The following NYAP2 variants were observed in gnomAD, a reference collection of about 807,000 sequenced individuals.
NYAP2 encodes neuronal tyrosine-phosphorylated phosphoinositide-3-kinase adaptor 2, also known as neuronal tyrosine-phosphorylated phosphoinositide-3-kinase adapter 2.
Under a neutral mutation model 50.4 loss-of-function variants are expected in NYAP2, and 23 were observed. That is an observed-to-expected ratio of 0.46 (90% CI 0.33 to 0.65). NYAP2 has a LOEUF of 0.65. NYAP2 is among the 30% of genes least tolerant of loss of function. The probability of loss-of-function intolerance (pLI) is 0.02; values close to 1 mark genes in which losing one functional copy is unlikely to be tolerated. For missense variants in NYAP2, 885 were observed against 861.0 expected (o/e 1.03, Z -0.35); for synonymous variants, 394 against 365.2 (o/e 1.08, Z -0.90).
At chr2:225,417,177 T>G (rs540870668) in intron 3 of NYAP2, among the ~76,000 whole-genome samples, 1 of 152,268 alleles carries the variant, frequency 6.6e-6, no homozygotes, top group South Asian at 2.1e-4. Flanking sequence ...GGGGACTTTT[T>G]GAACTACTAA....
chr2:225,672,386 T>A, the NYAP2 span, among the ~76,000 whole-genome samples: 149 of 152,308 alleles, frequency 9.8e-4, no homozygotes, highest in Non-Finnish European at 1.5e-3. Flanking sequence ...AGTCACCTAC[T>A]TCAGCCTTCG....
chr2:225,667,842 G>T, the NYAP2 span, among the ~76,000 whole-genome samples: 1 of 152,032 alleles, frequency 6.6e-6, no homozygotes, highest in East Asian at 1.9e-4. Flanking sequence ...TGGAAGACTA[G>T]TATAATGTGT....
chr2:225,517,191 A>C (rs1690951636), intron 4 of NYAP2, among the ~76,000 whole-genome samples: 1 of 152,228 alleles, frequency 6.6e-6, no homozygotes, highest in African/African-American at 2.4e-5. Flanking sequence ...ACCTTTAAAA[A>C]TTTATATAGT....
intron 3 of NYAP2, among the ~76,000 whole-genome samples, chr2:225,479,532 G>A (rs916891613): frequency 1.3e-5 from 2 of 152,110 alleles, no homozygotes; most frequent in African/African-American, 4.8e-5. Flanking sequence ...AGTATGACAT[G>A]CCAAAAGTTC....
chr2:225,485,459 A>G (rs1690274238), intron 3 of NYAP2, among the ~76,000 whole-genome samples: 3 of 152,164 alleles, frequency 2.0e-5, no homozygotes, highest in Admixed American at 2.0e-4. Context: ...ACCCAGCAGC[A>G]TTTTTAGAAA....
chr2:225,672,020 A>G, the NYAP2 span, among the ~76,000 whole-genome samples: 1 of 152,104 alleles, frequency 6.6e-6, no homozygotes, highest in African/African-American at 2.4e-5. Flanking sequence ...GCACAGGCAG[A>G]GTAGGTTTAG....
rs17482000 is a variant in NYAP2, at chr2:225,408,204, T to A, written c.-17-660T>A. Reference sequence around the variant, plus strand: ...GTTGTCAATGCTTGAATTACCAGACTGGTCAGGACTAATGTGGTCCTAGTG... The same window carrying A: ...GTTGTCAATGCTTGAATTACCAGACAGGTCAGGACTAATGTGGTCCTAGTG... On this transcript the variant is annotated intron_variant, in intron 2 of 6. Coordinates refer to ENST00000636099, the Ensembl canonical transcript of NYAP2. Among the ~76,000 whole-genome samples the A allele has an allele frequency of 2.5e-3, 383 of 152,158 alleles. 1 individual carries two copies. Among genetic ancestry groups the A allele is most frequent in the Non-Finnish European group, 4.8e-3 (329 of 67,954 alleles).
At chr2:225,670,546 C>T in the NYAP2 span, among the ~76,000 whole-genome samples, 10 of 139,136 alleles carry the variant, frequency 7.2e-5, no homozygotes, top group Non-Finnish European at 1.1e-4. Context: ...TATGTCACCA[C>T]AAAGGGGTGC....
At chr2:225,643,406 CCTTTT>C (rs956172500) in intron 6 of NYAP2, among the ~76,000 whole-genome samples, 14 of 151,956 alleles carry the variant, frequency 9.2e-5, no homozygotes, top group African/African-American at 3.4e-4. Context: ...TAAAAAGTTA[CCTTTT>C]CTTTTTTTCG....
intron 2 of NYAP2, among the ~76,000 whole-genome samples, chr2:225,407,389 C>T (rs1275825037): frequency 2.0e-5 from 3 of 151,910 alleles, no homozygotes; most frequent in African/African-American, 7.2e-5. Context: ...AAAAACTTAA[C>T]ATAAAAATCA....
intron 3 of NYAP2, among the ~76,000 whole-genome samples, chr2:225,493,602 G>A (rs1244201919): frequency 6.6e-6 from 1 of 152,120 alleles, no homozygotes. Context: ...GTCACCGGTG[G>A]CTCTCACCTG....
intron 3 of NYAP2, among the ~76,000 whole-genome samples, chr2:225,497,023 G>A (rs1349860621): frequency 6.6e-6 from 1 of 152,100 alleles, no homozygotes; most frequent in Admixed American, 6.5e-5. Context: ...AGAAGATGAG[G>A]TTTGATCAAA....
At position 225,426,635 on chromosome 2, in the gene NYAP2, T is replaced by C. The variant is rs150259914; in HGVS notation, c.221+17534T>C. Among the ~76,000 whole-genome samples, 1,366 of 152,338 alleles carry C rather than the reference T, an allele frequency of 9.0e-3. 24 individuals are homozygous for C. Among genetic ancestry groups the C allele is most frequent in the African/African-American group, 0.031 (1,280 of 41,572 alleles). On this transcript the variant is annotated intron_variant, in intron 3 of 6. Transcript: ENST00000636099. The stretch of plus-strand genomic sequence containing the variant: ...TGAGAAAATACCTCTCTTGAAATGC[T>C]TAAAGCCATAAATCCCCAAAGTATG...
chr2:225,662,875 T>C, the NYAP2 span, among the ~76,000 whole-genome samples: 1 of 152,092 alleles, frequency 6.6e-6, no homozygotes. Context: ...ACCTAAATAA[T>C]GAAACAAGGG....
intron 4 of NYAP2, among the ~76,000 whole-genome samples, chr2:225,572,571 C>T (rs908197594): frequency 5.9e-5 from 9 of 152,124 alleles, no homozygotes; most frequent in African/African-American, 1.7e-4. Flanking sequence ...TACTTCTCAC[C>T]GGTTCCCTCC....
At chr2:225,546,210 T>C (rs73089015) in intron 4 of NYAP2, among the ~76,000 whole-genome samples, 4,197 of 152,140 alleles carry the variant, frequency 0.028, 184 homozygotes, top group African/African-American at 0.094. Context: ...CACTCAAGAC[T>C]CTAAAGCTCT....
chr2:225,673,230 C>T, the NYAP2 span, among the ~76,000 whole-genome samples: 3 of 152,028 alleles, frequency 2.0e-5, no homozygotes, highest in East Asian at 5.8e-4. Flanking sequence ...TGCCCCCATG[C>T]TTCAATTACC....
rs545685053 is a variant in NYAP2 at position 225,529,673 on chromosome 2, A to G, written c.523+16001A>G. On this transcript the variant is annotated intron_variant, in intron 4 of 6. Transcript: ENST00000636099. ...GTTCCCTGGGAGATAACTTGGCTTC[A>G]TTCTCGTCTTTCCAACTCAGTGTTT... Among the ~76,000 whole-genome samples, 4 of 151,676 alleles carry G rather than the reference A, an allele frequency of 2.6e-5. No individual in the cohort carries two copies. The East Asian group carries it at 7.9e-4, about 30-fold the overall frequency.
At chr2:225,414,541 G>A (rs1451372934) in intron 3 of NYAP2, among the ~76,000 whole-genome samples, 2 of 152,108 alleles carry the variant, frequency 1.3e-5, no homozygotes, top group Admixed American at 1.3e-4. Flanking sequence ...GAAAAGGTAA[G>A]AAACAGGAAG....
Sources: allele counts gnomAD v4.1 joint callset (sites outside exome capture counted in the v4.1 genomes callset), GRCh38; gene constraint gnomAD v4.1.1; transcripts MANE v1.5; gene names NCBI Gene and HGNC (gene_info 2026-07-23, HGNC 2026-07-21).